TFAP4: variants seen among roughly 807,000 people sequenced by gnomAD.
TFAP4 encodes the protein activating enhancer-binding protein 4.
Under a neutral mutation model 40.4 loss-of-function variants are expected in TFAP4, and 7 were observed. The observed-to-expected ratio is 0.17, with a 90% confidence interval of 0.10 to 0.33. The LOEUF (loss-of-function observed/expected upper bound fraction) is 0.33. TFAP4 is among the 10% of genes least tolerant of loss of function. The pLI, the probability that TFAP4 is intolerant of heterozygous loss-of-function variation, is 1.00. For missense variants in TFAP4, 374 were observed against 451.1 expected, an observed-to-expected ratio of 0.83 and a Z score of 1.55; for synonymous variants, 218 against 181.4, an observed-to-expected ratio of 1.20 and a Z score of -1.62.
chr16:4,264,672 G>C (rs571426712), intron 1 of TFAP4: 45 of 152,550 alleles, frequency 2.9e-4, no homozygotes, highest in African/African-American at 1.0e-3. Context: ...AGGTGATAGG[G>C]GGACTGGAGC....
At position 4,272,755 on chromosome 16, in the gene TFAP4, G is replaced by A. The variant is rs1328869583; in HGVS notation, c.-9C>T. The A allele has an allele frequency of 1.9e-6, 3 of 1,612,392 alleles. No individual in the cohort carries two copies. Among genetic ancestry groups the A allele is most frequent in the Non-Finnish European group, 1.7e-6 (2 of 1,178,862 alleles). ...ACCATGAAATACTCCATAGCGATCG[G>A]CCCCCCTCCTCTGCACGAGCCAGGT... On this transcript the variant is annotated 5_prime_UTR_variant, in exon 1 of 7. Coordinates refer to ENST00000204517, the MANE Select transcript of TFAP4 (RefSeq NM_003223.3).
intron 5 of TFAP4, 58 bp downstream of exon 5, chr16:4,260,397 A>G: frequency 6.6e-7 from 1 of 1,519,694 alleles, no homozygotes; most frequent in Non-Finnish European, 8.8e-7. Flanking sequence ...TCCGCCATTC[A>G]AGATCACCTG....
chr16:4,260,496 GGTGCAGCAGC>G lies in TFAP4; in HGVS notation c.615_624del (p.Arg205SerfsTer28). 1 of 1,606,500 alleles carries G rather than the reference GGTGCAGCAGC, an allele frequency of 6.2e-7. No individual in the cohort carries two copies. Among genetic ancestry groups the G allele is most frequent in the African/African-American group, 1.3e-5 (1 of 74,668 alleles). The stretch of plus-strand genomic sequence containing the variant: ...TGCTGTTCCCGCTCCAGCTTCTCCT[GGTGCAGCAGC>G]CTCACCTGTTCCTGCTGCTGCTGCA... On this transcript the variant is annotated frameshift_variant, in exon 5 of 7. Transcript: ENST00000204517. LOFTEE classifies it high-confidence loss of function.
At chr16:4,260,300 C>G in intron 5 of TFAP4, 55 bp from the exon 6 acceptor site, 14 of 1,515,364 alleles carry the variant, frequency 9.2e-6, no homozygotes, top group Non-Finnish European at 1.2e-5. Context: ...GCCCATCCAC[C>G]TCCCTTTCAT....
chr16:4,262,638 C>T lies in TFAP4; in HGVS notation c.153G>A (p.Glu51=). 9 of 1,611,410 alleles carry T rather than the reference C, an allele frequency of 5.6e-6. No individual in the cohort carries two copies. The highest frequency in any genetic ancestry group is 7.6e-6 in the Non-Finnish European group (9 of 1,179,980). Residue 51 remains glutamate (E), a synonymous_variant, in exon 2 of 7, where the codon GAG becomes GAA. Coordinates refer to ENST00000204517, the MANE Select transcript of TFAP4 (RefSeq NM_003223.3). ...QRDQERRIRR[E]IANSNERRRM... ...GTCTCCGCTCGTTGCTGTTGGCGAT[C>T]TCCCGCCGAATCCGCCGCTCCTGGT...
At chr16:4,263,039 G>A in intron 1 of TFAP4, 1 of 299,890 alleles carries the variant, frequency 3.3e-6, no homozygotes. Context: ...AGGTGTGGTG[G>A]TGCATGCCTG....
intron 4 of TFAP4, among the ~76,000 whole-genome samples, chr16:4,261,216 C>G (rs957605684): frequency 6.6e-6 from 1 of 152,132 alleles, no homozygotes; most frequent in African/African-American, 2.4e-5. Flanking sequence ...AAGCGATCCT[C>G]CCACCTCAGC....
In TFAP4 at chr16:4,260,498, T is replaced by C; in HGVS notation, c.623A>G (p.His208Arg). 1 of 1,606,818 alleles carries C rather than the reference T, an allele frequency of 6.2e-7. No individual in the cohort carries two copies. The highest frequency in any genetic ancestry group is 8.5e-7 in the Non-Finnish European group (1 of 1,176,548). ...QQQQEQVRLL[H>R]QEKLEREQQQ... ...CTGTTCCCGCTCCAGCTTCTCCTGGTGCAGCAGCCTCACCTGTTCCTGCTG... is the reference window on the plus strand; with the variant it reads ...CTGTTCCCGCTCCAGCTTCTCCTGGCGCAGCAGCCTCACCTGTTCCTGCTG... The change falls in exon 5 of 7, where the codon CAC becomes CGC. Residue 208 changes from histidine to arginine, a missense_variant. Coordinates refer to ENST00000204517, the MANE Select transcript of TFAP4 (RefSeq NM_003223.3).
intron 1 of TFAP4, 174 bp from the exon 2 acceptor site, chr16:4,262,875 C>A: frequency 1.4e-6 from 1 of 704,648 alleles, no homozygotes; most frequent in Non-Finnish European, 2.3e-6. Context: ...CAGCTGGCTG[C>A]GGGTAAGATA....
intron 1 of TFAP4, chr16:4,265,688 C>T (rs572167541): frequency 6.9e-6 from 1 of 145,204 alleles, no homozygotes; most frequent in Non-Finnish European, 1.5e-5. Context: ...TTATTATTCA[C>T]AGACCTCGTT....
Position 4,260,983 on chromosome 16 carries a change from T to C in TFAP4, c.526-388A>G, listed in dbSNP as rs572539828. ...GTTTTTTGTTTTTGTTTTTTGGTTT[T>C]TTTGAGCCATGGTCTCCTTCTGTCA... is the stretch of plus-strand genomic sequence containing the variant. On this transcript the variant is annotated intron_variant, in intron 4 of 6. Coordinates refer to ENST00000204517, the MANE Select transcript of TFAP4 (RefSeq NM_003223.3). Among the ~76,000 whole-genome samples, 3 of 152,332 alleles carry C rather than the reference T, an allele frequency of 2.0e-5. No individual in the cohort carries two copies. In the East Asian group the frequency reaches 5.8e-4, roughly 29 times the overall value.
intron 6 of TFAP4, 162 bp from the exon 7 acceptor site, chr16:4,258,411 A>C: frequency 4.9e-6 from 3 of 607,872 alleles, no homozygotes; most frequent in Non-Finnish European, 5.6e-6. Context: ...GGAAAAACAA[A>C]CTCCTTTTAC....
chr16:4,262,109 G>A, intron 3 of TFAP4, 160 bp from the exon 4 acceptor site: 2 of 917,266 alleles, frequency 2.2e-6, no homozygotes, highest in Non-Finnish European at 3.2e-6. Flanking sequence ...CAGGAGAATG[G>A]GCTGCTTTAC....
intron 1 of TFAP4, among the ~76,000 whole-genome samples, chr16:4,267,339 A>T (rs1044438103): frequency 2.6e-5 from 4 of 152,174 alleles, no homozygotes; most frequent in Non-Finnish European, 4.4e-5. Flanking sequence ...CAGCCACACC[A>T]AGGCTCTCTT....
At chr16:4,262,766 C>A (rs996292895) in intron 1 of TFAP4, 65 bp from the exon 2 acceptor site, 52 of 1,551,980 alleles carry the variant, frequency 3.4e-5, no homozygotes, top group Non-Finnish European at 4.5e-5. Context: ...TCCAGAGGGC[C>A]CCAGTGGAAA....
intron 3 of TFAP4, 69 bp from the exon 4 acceptor site, chr16:4,262,018 C>T: frequency 3.4e-6 from 5 of 1,471,712 alleles, no homozygotes; most frequent in East Asian, 4.7e-5. Context: ...GGGGTTCCAT[C>T]GCAGCCCCCC....
rs888909912 is a variant in TFAP4 at position 4,260,439 on chromosome 16, G to A, written c.666+16C>T. On this transcript the variant is annotated intron_variant, in intron 5 of 6. Coordinates refer to ENST00000204517, the MANE Select transcript of TFAP4 (RefSeq NM_003223.3). ...TCCCGGTCCCCAGAGCCCACTCCCG[G>A]GCGCCTCCTGCTCACCTGGGTCCGC... 1 of 1,564,876 alleles carries A rather than the reference G, an allele frequency of 6.4e-7. No individual in the cohort carries two copies.
rs2053049885 is a variant in TFAP4 at position 4,272,825 on chromosome 16, G to A, written c.-79C>T. ...TGCAAGATGGAAATCCGAATCAAAG[G>A]GCAGCGCCGGACGGAGGTGCAGAAT... is the stretch of plus-strand genomic sequence containing the variant. On this transcript the variant is annotated 5_prime_UTR_variant, in exon 1 of 7. Coordinates refer to ENST00000204517, the MANE Select transcript of TFAP4 (RefSeq NM_003223.3). 8.2e-6 allele frequency: 11 copies of A among 1,338,998 alleles called. No individual in the cohort carries two copies. The highest frequency in any genetic ancestry group is 1.0e-5 in the Non-Finnish European group (10 of 982,416). The allele number at this position is 1,338,998 out of a possible 1,614,324, so 82.9% of individuals were successfully genotyped here.
intron 1 of TFAP4, among the ~76,000 whole-genome samples, chr16:4,269,151 G>T (rs2141097185): frequency 6.6e-6 from 1 of 151,656 alleles, no homozygotes; most frequent in South Asian, 2.1e-4. Context: ...GCCTTCCAAA[G>T]CACTGGGATT....
Sources: allele counts gnomAD v4.1 joint callset (sites outside exome capture counted in the v4.1 genomes callset), GRCh38; gene constraint gnomAD v4.1.1; transcripts MANE v1.5; gene names NCBI Gene and HGNC (gene_info 2026-07-23, HGNC 2026-07-21).